The following SLC35F4 variants were observed in gnomAD, a reference collection of about 807,000 sequenced individuals.
The protein encoded by SLC35F4 is solute carrier family 35 member F4.
SLC35F4 carries 24 observed loss-of-function variants against 44.2 expected under a neutral mutation model. The observed-to-expected ratio is 0.54, with a 90% confidence interval of 0.39 to 0.76. The LOEUF is 0.76. SLC35F4 is among the 30% of genes least tolerant of loss of function. SLC35F4 has a pLI of 0.00. For synonymous variants in SLC35F4, 238 were observed against 223.6 expected (o/e 1.06, Z -0.57); for missense variants, 562 against 586.1 (o/e 0.96, Z 0.42).
chr14:57,912,394 G>A (rs540867123), intron 1 of SLC35F4, among the ~76,000 whole-genome samples: 28 of 150,728 alleles, frequency 1.9e-4, no homozygotes. Flanking sequence ...GCAACTCAAA[G>A]CAACAAATTT....
At chr14:57,848,984 G>C (rs1886285033) in intron 1 of SLC35F4, among the ~76,000 whole-genome samples, 1 of 152,132 alleles carries the variant, frequency 6.6e-6, no homozygotes, top group Non-Finnish European at 1.5e-5. Context: ...TGACCCAAGA[G>C]TCTCATGTCT....
At chr14:57,878,570 T>C (rs1222805665) in intron 1 of SLC35F4, among the ~76,000 whole-genome samples, 1 of 152,212 alleles carries the variant, frequency 6.6e-6, no homozygotes, top group African/African-American at 2.4e-5. Context: ...TTATACATGC[T>C]GTTCCCTCTA....
upstream of SLC35F4, among the ~76,000 whole-genome samples, chr14:57,869,211 T>TTA (rs1555399043): frequency 3.7e-4 from 56 of 151,112 alleles, no homozygotes; most frequent in Middle Eastern, 3.4e-3. Context: ...TTTTTTTTTT[T>TTA]AAAAAAAGCC....
chr14:57,579,958 G>A (rs1224643344), intron 4 of SLC35F4, among the ~76,000 whole-genome samples: 1 of 152,090 alleles, frequency 6.6e-6, no homozygotes, highest in Non-Finnish European at 1.5e-5. Context: ...GACTTGTCAG[G>A]GTATCTGATG....
intron 1 of SLC35F4, among the ~76,000 whole-genome samples, chr14:57,851,484 T>C (rs1194146497): frequency 6.6e-6 from 1 of 152,210 alleles, no homozygotes; most frequent in Non-Finnish European, 1.5e-5. Flanking sequence ...TGTTATACAC[T>C]GTAAAACAGT....
At chr14:57,894,966 A>G (rs570281072) in intron 1 of SLC35F4, among the ~76,000 whole-genome samples, 17 of 152,324 alleles carry the variant, frequency 1.1e-4, no homozygotes, top group Admixed American at 9.2e-4. Context: ...CAGTATGTAG[A>G]TAAGCCTCTT....
chr14:57,829,545 A>C (rs1302788749), intron 1 of SLC35F4, among the ~76,000 whole-genome samples: 1 of 152,236 alleles, frequency 6.6e-6, no homozygotes, highest in Admixed American at 6.5e-5. Flanking sequence ...CCAAGTCTGC[A>C]GGAAAGATGG....
At chr14:57,724,379 T>G (rs1349354708) in intron 1 of SLC35F4, among the ~76,000 whole-genome samples, 1 of 152,186 alleles carries the variant, frequency 6.6e-6, no homozygotes, top group African/African-American at 2.4e-5. Flanking sequence ...ACTCTCCTTT[T>G]GAGAGACAGC....
At chr14:57,764,453 T>C (rs573555193) in intron 1 of SLC35F4, among the ~76,000 whole-genome samples, 1 of 152,350 alleles carries the variant, frequency 6.6e-6, no homozygotes, top group South Asian at 2.1e-4. Context: ...AGAATATACA[T>C]TCACAGCTTA....
At chr14:57,740,447 C>G (rs1381002861) in intron 1 of SLC35F4, among the ~76,000 whole-genome samples, 1 of 152,118 alleles carries the variant, frequency 6.6e-6, no homozygotes, top group Non-Finnish European at 1.5e-5. Context: ...ACAGAAAATT[C>G]TCAATGAATT....
intron 5 of SLC35F4, 71 bp from the exon 6 acceptor site, chr14:57,570,051 C>T (rs1178967445): frequency 7.9e-6 from 11 of 1,394,798 alleles, no homozygotes; most frequent in Non-Finnish European, 1.0e-5. Flanking sequence ...CTTACTGTTC[C>T]ATACTGTGAG....
intron 1 of SLC35F4, among the ~76,000 whole-genome samples, chr14:57,776,364 A>T (rs1349020203): frequency 4.6e-5 from 7 of 152,162 alleles, no homozygotes; most frequent in Admixed American, 4.6e-4. Context: ...TTCTGAGATC[A>T]AAATGAAAGA....
In SLC35F4 at chr14:57,739,925, T is replaced by A. The variant is rs528860061; in HGVS notation, c.103+125798A>T. Among the ~76,000 whole-genome samples, 3 of 152,178 alleles carry A rather than the reference T, an allele frequency of 2.0e-5. No individual in the cohort carries two copies. In the East Asian group the frequency reaches 5.8e-4, roughly 29 times the overall value. ...CCCAGGCTGGAGTGCAGTAGTGTGA[T>A]CTTGGCTCACCGAAACCTCTGCCTG... is the stretch of plus-strand genomic sequence containing the variant. On this transcript the variant is annotated intron_variant, in intron 1 of 7. Transcript: ENST00000556826.
At chr14:57,724,474 T>C (rs2076156255) in intron 1 of SLC35F4, among the ~76,000 whole-genome samples, 1 of 152,224 alleles carries the variant, frequency 6.6e-6, no homozygotes, top group African/African-American at 2.4e-5. Flanking sequence ...CTGCCTATCA[T>C]GAACTGAGTC....
At chr14:57,917,415 C>A (rs558354626) in intron 1 of SLC35F4, among the ~76,000 whole-genome samples, 1 of 152,006 alleles carries the variant, frequency 6.6e-6, no homozygotes, top group Non-Finnish European at 1.5e-5. Context: ...TTTCAATAAA[C>A]CTTTTAGCAT....
intron 1 of SLC35F4, among the ~76,000 whole-genome samples, chr14:57,754,786 A>G (rs1351990350): frequency 6.6e-6 from 1 of 152,230 alleles, no homozygotes; most frequent in East Asian, 1.9e-4. Context: ...AGAAAAATCA[A>G]TATTTTCTGG....
At chr14:57,754,498 T>G (rs576632546) in intron 1 of SLC35F4, among the ~76,000 whole-genome samples, 111 of 152,336 alleles carry the variant, frequency 7.3e-4, no homozygotes, top group African/African-American at 2.6e-3. Flanking sequence ...AGAGAGCTCA[T>G]ACTTAGGAAA....
At chr14:57,914,889 C>T (rs942673301) in intron 1 of SLC35F4, among the ~76,000 whole-genome samples, 2 of 152,220 alleles carry the variant, frequency 1.3e-5, no homozygotes, top group Non-Finnish European at 2.9e-5. Context: ...GGCAGCCCTA[C>T]TCCCATGACT....
intron 1 of SLC35F4, among the ~76,000 whole-genome samples, chr14:57,681,099 A>G (rs768907564): frequency 1.3e-4 from 20 of 152,148 alleles, no homozygotes; most frequent in Non-Finnish European, 2.5e-4. Flanking sequence ...CCTGGAAGCC[A>G]TCACGCTACT....
Sources: gnomAD v4.1 joint callset for allele counts (sites outside exome capture counted in the v4.1 genomes callset) on GRCh38, gnomAD v4.1.1 for gene constraint, MANE v1.5 for transcripts, NCBI Gene and HGNC (gene_info 2026-07-23, HGNC 2026-07-21) for gene names.